MAP2K6: variants seen among roughly 807,000 people sequenced by gnomAD.
The protein encoded by MAP2K6 is dual specificity mitogen-activated protein kinase kinase 6.
Under a neutral mutation model 53.7 loss-of-function variants are expected in MAP2K6, and 16 were observed. That is an observed-to-expected ratio of 0.30 (90% CI 0.20 to 0.45). The LOEUF (loss-of-function observed/expected upper bound fraction) is 0.45, where lower values mean the gene tolerates loss of function less well. Among genes scored for constraint, MAP2K6 ranks in the 20% least tolerant of loss-of-function variants. The pLI is 1.00. For synonymous variants in MAP2K6, 132 were observed against 143.1 expected, an observed-to-expected ratio of 0.92 and a Z score of 0.55; for missense variants, 204 against 411.9, an observed-to-expected ratio of 0.50 and a Z score of 4.37.
chr17:69,459,219 A>C (rs1394067222), intron 1 of MAP2K6, among the ~76,000 whole-genome samples: 2 of 152,122 alleles, frequency 1.3e-5, no homozygotes, highest in Non-Finnish European at 2.9e-5. Flanking sequence ...TGATTACTGA[A>C]TTCCTTCAGG....
chr17:69,493,499 G>A (rs561701210), intron 1 of MAP2K6, among the ~76,000 whole-genome samples: 3 of 152,300 alleles, frequency 2.0e-5, no homozygotes, highest in Admixed American at 6.5e-5. Context: ...GGTGTCTCAC[G>A]CCTGTAATCC....
At chr17:69,488,892 T>A (rs750446931) in intron 1 of MAP2K6, among the ~76,000 whole-genome samples, 1 of 152,156 alleles carries the variant, frequency 6.6e-6, no homozygotes, top group Admixed American at 6.5e-5. Context: ...CCTGCACATG[T>A]ACCTCCTGAA....
chr17:69,502,505 G>A, intron 1 of MAP2K6: 1 of 985,380 alleles, frequency 1.0e-6, no homozygotes, highest in South Asian at 4.7e-5. Context: ...TTCTAACACT[G>A]TAATTCAACT....
rs1912084485 is a variant in MAP2K6, at chr17:69,551,183, G to A, written c.*9430G>A. 6.6e-6 allele frequency: 1 copy of A among 152,182 alleles called. No individual in the cohort carries two copies. Among genetic ancestry groups the A allele is most frequent in the African/African-American group, 2.4e-5 (1 of 41,450 alleles). 9.4% of individuals were successfully genotyped at this position (152,182 alleles called of 1,614,324 possible). A position where few individuals can be genotyped will look rare whatever the true frequency, so the allele number is the denominator to read the frequency against. On this transcript the variant is annotated 3_prime_UTR_variant, in exon 12 of 12. Coordinates refer to ENST00000590474, the MANE Select transcript of MAP2K6 (RefSeq NM_002758.4). ...TGCATCTCTAGGTTTGCAGAGGCAG[G>A]AGTTACCGTTTTTGTTCATTGACCT...
intron 10 of MAP2K6, among the ~76,000 whole-genome samples, chr17:69,534,670 G>A (rs369130096): frequency 9.2e-5 from 14 of 151,666 alleles, no homozygotes; most frequent in African/African-American, 1.5e-4. Flanking sequence ...GCTTAGCTTC[G>A]GAGGGTGAGG....
At chr17:69,431,687 C>G (rs1282087192) in intron 1 of MAP2K6, among the ~76,000 whole-genome samples, 2 of 152,228 alleles carry the variant, frequency 1.3e-5, no homozygotes, top group Non-Finnish European at 2.9e-5. Flanking sequence ...TATCCCCTCC[C>G]TTTGCAGGGT....
intron 10 of MAP2K6, among the ~76,000 whole-genome samples, chr17:69,533,192 C>A (rs1911174073): frequency 6.6e-6 from 1 of 152,074 alleles, no homozygotes; most frequent in African/African-American, 2.4e-5. Flanking sequence ...ACCTGTCTCA[C>A]CCTCACAAAG....
chr17:69,459,118 A>G (rs1292510283), intron 1 of MAP2K6, among the ~76,000 whole-genome samples: 1 of 152,186 alleles, frequency 6.6e-6, no homozygotes, highest in Non-Finnish European at 1.5e-5. Flanking sequence ...GGTCACTGAA[A>G]GTTTTTATAC....
intron 1 of MAP2K6, among the ~76,000 whole-genome samples, chr17:69,457,452 T>TTAAA (rs1156636920): frequency 6.6e-6 from 1 of 152,186 alleles, no homozygotes; most frequent in Non-Finnish European, 1.5e-5. Flanking sequence ...CCTCTTCTTA[T>TTAAA]TAAAGTCTGT....
At position 69,458,962 on chromosome 17, in the gene MAP2K6, T is replaced by C. The variant is rs566051922; in HGVS notation, c.16+43962T>C. On this transcript the variant is annotated intron_variant, in intron 1 of 11. Coordinates refer to ENST00000590474, the MANE Select transcript of MAP2K6 (RefSeq NM_002758.4). Reference sequence around the variant, plus strand: ...CACATTAAAGCAAACCTCTTAGAGGTTGGCAACCTTATAAAAAAATTTGTA... The same window carrying C: ...CACATTAAAGCAAACCTCTTAGAGGCTGGCAACCTTATAAAAAAATTTGTA... Among the ~76,000 whole-genome samples, 8 of 152,284 alleles carry C rather than the reference T, an allele frequency of 5.3e-5. No homozygotes were observed. In the South Asian group the frequency reaches 1.7e-3, roughly 32 times the overall value.
intron 1 of MAP2K6, among the ~76,000 whole-genome samples, chr17:69,493,236 C>A (rs1006251163): frequency 1.3e-5 from 2 of 151,446 alleles, no homozygotes; most frequent in African/African-American, 4.9e-5. Flanking sequence ...TATGAAAATG[C>A]AGAGAACATA....
intron 1 of MAP2K6, among the ~76,000 whole-genome samples, chr17:69,478,352 G>A (rs1008321626): frequency 1.3e-5 from 2 of 152,196 alleles, no homozygotes; most frequent in African/African-American, 4.8e-5. Context: ...GGATATCACT[G>A]TGTAACTTAC....
rs796414361 is a variant in MAP2K6 at position 69,512,328 on chromosome 17, G to GTTTTTTTTTTTTTTTTTT, written c.84-4517_84-4516insTTTTTTTTTTTTTTTTTT. ...TTCTAATCTCATTGTCTTTCTAAGT[G>GTTTTTTTTTTTTTTTTTT]TTTTTTTTTTGTTTTTTTTTTTTTT... On this transcript the variant is annotated intron_variant, in intron 2 of 11. Transcript: ENST00000590474. 3.1e-4 allele frequency among the ~76,000 whole-genome samples: 23 copies of GTTTTTTTTTTTTTTTTTT among 75,180 alleles called. 3 individuals carry two copies. Among genetic ancestry groups the GTTTTTTTTTTTTTTTTTT allele is most frequent in the South Asian group, 5.2e-4 (1 of 1,926 alleles). 49.3% of individuals were successfully genotyped at this position (75,180 alleles called of 152,430 possible).
Position 69,526,659 on chromosome 17 carries a change from A to G in MAP2K6, c.831A>G (p.Gln277=). 1 of 1,613,898 alleles carries G rather than the reference A, an allele frequency of 6.2e-7. No homozygotes were observed. Among genetic ancestry groups the G allele is most frequent in the Non-Finnish European group, 8.5e-7 (1 of 1,179,992 alleles). ...LKQVVEEPSP[Q]LPADKFSAEF... ...AGGTGGTAGAGGAGCCATCGCCACA[A>G]CTCCCAGCAGACAAGTTCTCTGCAG... Residue 277 remains glutamine, a synonymous_variant, in exon 10 of 12, where the codon CAA becomes CAG. Coordinates refer to ENST00000590474, the MANE Select transcript of MAP2K6 (RefSeq NM_002758.4).
chr17:69,496,083 T>C (rs1480545989), intron 1 of MAP2K6, among the ~76,000 whole-genome samples: 15 of 146,082 alleles, frequency 1.0e-4, no homozygotes, highest in Admixed American at 1.0e-3. Flanking sequence ...TACTAGGACT[T>C]TTTTTTTTTT....
chr17:69,513,748 A>G (rs1909992788), intron 2 of MAP2K6, among the ~76,000 whole-genome samples: 1 of 152,152 alleles, frequency 6.6e-6, no homozygotes, highest in Admixed American at 6.6e-5. Flanking sequence ...GGAAGAACTC[A>G]TTTTTCGATA....
At chr17:69,463,870 T>C (rs985584509) in intron 1 of MAP2K6, among the ~76,000 whole-genome samples, 4 of 151,054 alleles carry the variant, frequency 2.6e-5, no homozygotes, top group African/African-American at 9.7e-5. Flanking sequence ...ATACAAAAAA[T>C]TAGCCAGGGA....
intron 1 of MAP2K6, among the ~76,000 whole-genome samples, chr17:69,468,768 A>C (rs1397435205): frequency 6.6e-6 from 1 of 152,166 alleles, no homozygotes; most frequent in South Asian, 2.1e-4. Context: ...TCTGCTTATC[A>C]CTAGAGAGAG....
intron 1 of MAP2K6, among the ~76,000 whole-genome samples, chr17:69,429,406 G>T (rs1906383847): frequency 6.6e-6 from 1 of 151,836 alleles, no homozygotes; most frequent in South Asian, 2.1e-4. Flanking sequence ...TCATTCCACT[G>T]CACTCCAGCC....
Sources: gnomAD v4.1 joint callset for allele counts (sites outside exome capture counted in the v4.1 genomes callset) on GRCh38, gnomAD v4.1.1 for gene constraint, MANE v1.5 for transcripts, NCBI Gene and HGNC (gene_info 2026-07-23, HGNC 2026-07-21) for gene names.